The following DAB1 variants were observed in gnomAD, a reference collection of about 807,000 sequenced individuals.
DAB1 encodes disabled homolog 1.
In DAB1, 15 loss-of-function variants were observed where a neutral mutation model predicts 64.6. The ratio of observed to expected loss-of-function variants is 0.23; its 90% CI spans 0.16 to 0.36. The LOEUF (loss-of-function observed/expected upper bound fraction) is 0.36, where lower values mean the gene tolerates loss of function less well. Ranked by LOEUF, DAB1 falls within the 10% of genes least tolerant of loss-of-function variation. DAB1 has a pLI of 1.00. For synonymous variants in DAB1, 235 were observed against 251.9 expected, an observed-to-expected ratio of 0.93 and a Z score of 0.64; for missense variants, 596 against 706.7, an observed-to-expected ratio of 0.84 and a Z score of 1.78.
chr1:57,966,576 T>G (rs1301148925), intron 5 of DAB1, among the ~76,000 whole-genome samples: 2 of 152,174 alleles, frequency 1.3e-5, no homozygotes, highest in East Asian at 3.9e-4. Context: ...ACCTCCCAGC[T>G]AACCCACAGA....
At chr1:58,245,264 G>A (rs953416785) in intron 4 of DAB1, among the ~76,000 whole-genome samples, 4 of 152,302 alleles carry the variant, frequency 2.6e-5, no homozygotes, top group Middle Eastern at 3.4e-3. Context: ...AAAGCAGAAG[G>A]TGCCTGGCTC....
chr1:57,274,054 C>T (rs1671262911), intron 2 of DAB1, among the ~76,000 whole-genome samples: 1 of 152,154 alleles, frequency 6.6e-6, no homozygotes, highest in Non-Finnish European at 1.5e-5. Context: ...TGATTTCACC[C>T]ATCGAGATGG....
chr1:57,029,053 C>T (rs749465548), intron 9 of DAB1, among the ~76,000 whole-genome samples: 19 of 152,206 alleles, frequency 1.2e-4, no homozygotes, highest in Non-Finnish European at 2.1e-4. Context: ...TCATGGCAGC[C>T]CTTCCCATCA....
At chr1:57,248,724 C>T (rs1346996065) in intron 2 of DAB1, among the ~76,000 whole-genome samples, 1 of 152,178 alleles carries the variant, frequency 6.6e-6, no homozygotes, top group African/African-American at 2.4e-5. Flanking sequence ...AATAATGAAG[C>T]AGGAAGGTCT....
At chr1:58,352,359 T>C (rs1644066337) in intron 3 of DAB1, among the ~76,000 whole-genome samples, 1 of 152,162 alleles carries the variant, frequency 6.6e-6, no homozygotes, top group Non-Finnish European at 1.5e-5. Context: ...CTATTAGTAA[T>C]AATAATAAAT....
intron 3 of DAB1, among the ~76,000 whole-genome samples, chr1:58,377,273 C>T (rs1484380051): frequency 2.7e-5 from 4 of 146,542 alleles, no homozygotes; most frequent in African/African-American, 1.0e-4. Flanking sequence ...TCTTCCTAGT[C>T]TCGATGGTCT....
intron 7 of DAB1, among the ~76,000 whole-genome samples, chr1:57,611,933 C>A (rs1645731575): frequency 1.3e-5 from 2 of 152,186 alleles, no homozygotes; most frequent in Admixed American, 1.3e-4. Flanking sequence ...GACCCACCCC[C>A]CTGCCAACTG....
intron 2 of DAB1, among the ~76,000 whole-genome samples, chr1:57,257,119 C>G (rs1669824114): frequency 6.6e-6 from 1 of 152,194 alleles, no homozygotes; most frequent in Non-Finnish European, 1.5e-5. Context: ...TTTCCCTAAA[C>G]TGAAATAATA....
At chr1:58,524,960 T>C (rs1646327078) in intron 2 of DAB1, among the ~76,000 whole-genome samples, 1 of 152,202 alleles carries the variant, frequency 6.6e-6, no homozygotes, top group South Asian at 2.1e-4. Context: ...TTGAGATCAC[T>C]GCATTAGCAA....
At chr1:57,468,331 C>A (rs991239329) in intron 7 of DAB1, among the ~76,000 whole-genome samples, 2 of 152,142 alleles carry the variant, frequency 1.3e-5, no homozygotes, top group African/African-American at 2.4e-5. Flanking sequence ...CTAGACTGAC[C>A]TTTTATGAGA....
intron 1 of DAB1, among the ~76,000 whole-genome samples, chr1:57,349,593 A>G (rs1353391237): frequency 2.0e-5 from 3 of 152,190 alleles, no homozygotes; most frequent in South Asian, 2.1e-4. Context: ...TGCACAAACT[A>G]TCATATTTCC....
At chr1:57,596,004 G>A (rs1236050689) in intron 7 of DAB1, among the ~76,000 whole-genome samples, 1 of 152,124 alleles carries the variant, frequency 6.6e-6, no homozygotes, top group Non-Finnish European at 1.5e-5. Flanking sequence ...TTTCTTTATA[G>A]TGATGTAAGA....
At chr1:57,885,754 G>A (rs1644212822), upstream of DAB1, among the ~76,000 whole-genome samples, 1 of 152,142 alleles carries the variant, frequency 6.6e-6, no homozygotes, top group Non-Finnish European at 1.5e-5. Flanking sequence ...AAGTAACACA[G>A]GCCTGAGTTC....
intron 7 of DAB1, among the ~76,000 whole-genome samples, chr1:57,436,105 C>T (rs754621795): frequency 2.0e-5 from 3 of 151,810 alleles, no homozygotes; most frequent in Non-Finnish European, 2.9e-5. Context: ...TTAGTAGAGA[C>T]GGGGTTGCAC....
At chr1:58,177,527 T>G (rs1656551138) in intron 4 of DAB1, among the ~76,000 whole-genome samples, 1 of 152,202 alleles carries the variant, frequency 6.6e-6, no homozygotes, top group Non-Finnish European at 1.5e-5. Flanking sequence ...CATTGTTTTA[T>G]GTACAGGGAA....
intron 6 of DAB1, among the ~76,000 whole-genome samples, chr1:57,671,215 A>G (rs1391796988): frequency 2.6e-5 from 4 of 152,138 alleles, no homozygotes; most frequent in African/African-American, 4.8e-5. Flanking sequence ...AATCAAAATG[A>G]GTTTCATATT....
At chr1:58,361,269 T>C (rs985747587) in intron 3 of DAB1, among the ~76,000 whole-genome samples, 2 of 152,160 alleles carry the variant, frequency 1.3e-5, no homozygotes, top group Admixed American at 1.3e-4. Context: ...ATTCAAAGTG[T>C]GTGGTTAGAG....
chr1:57,401,298 T>C (rs1371839042), intron 1 of DAB1, among the ~76,000 whole-genome samples: 1 of 152,220 alleles, frequency 6.6e-6, no homozygotes. Flanking sequence ...TGTTTTCTCT[T>C]TCCCTATAAC....
intron 1 of DAB1, among the ~76,000 whole-genome samples, chr1:57,304,428 A>G (rs953637220): frequency 6.6e-6 from 1 of 151,632 alleles, no homozygotes; most frequent in African/African-American, 2.4e-5. Flanking sequence ...TCCAAACTAT[A>G]CCACTGTTAT....
Sources: allele counts gnomAD v4.1 joint callset (sites outside exome capture counted in the v4.1 genomes callset), GRCh38; gene constraint gnomAD v4.1.1; transcripts MANE v1.5; gene names NCBI Gene and HGNC (gene_info 2026-07-23, HGNC 2026-07-21).